The following INTS7 variants were observed in gnomAD, a reference collection of about 807,000 sequenced individuals.
The protein encoded by INTS7 is integrator complex subunit 7, also known as chromosome 1 open reading frame 73.
INTS7 carries 46 observed loss-of-function variants against 109.2 expected under a neutral mutation model. The observed-to-expected ratio is 0.42, with a 90% confidence interval of 0.33 to 0.54. INTS7 has a LOEUF of 0.54. INTS7 is among the 20% of genes least tolerant of loss of function. The pLI, the probability that INTS7 is intolerant of heterozygous loss-of-function variation, is 0.07. For missense variants in INTS7, 929 were observed against 1,132.4 expected (o/e 0.82, Z 2.58); for synonymous variants, 412 against 402.9 (o/e 1.02, Z -0.27).
At chr1:211,966,302 T>G (rs998818890) in intron 16 of INTS7, 128 bp downstream of exon 16, 2 of 523,104 alleles carry the variant, frequency 3.8e-6, no homozygotes, top group African/African-American at 1.9e-5. Flanking sequence ...CCACAAAAAA[T>G]GCTGAAGAAT....
chr1:212,033,417 A>G (rs1249733373), intron 1 of INTS7, among the ~76,000 whole-genome samples: 2 of 152,192 alleles, frequency 1.3e-5, no homozygotes, highest in African/African-American at 4.8e-5. Context: ...CCTGTAAAAC[A>G]CTCACGCCAG....
chr1:211,954,946 A>G (rs1663297186), intron 16 of INTS7, among the ~76,000 whole-genome samples: 1 of 152,198 alleles, frequency 6.6e-6, no homozygotes, highest in African/African-American at 2.4e-5. Flanking sequence ...AGTCATTGGT[A>G]GCTTGATGGG....
chr1:212,020,063 T>C (rs188246527), intron 3 of INTS7, 59 bp downstream of exon 3: 7 of 1,208,166 alleles, frequency 5.8e-6, no homozygotes. Flanking sequence ...CACTGCCTTT[T>C]TTGTACATAA....
intron 4 of INTS7, among the ~76,000 whole-genome samples, chr1:212,015,757 GATTCAAAAAATTTATT>G (rs1277448373): frequency 4.9e-5 from 6 of 121,862 alleles, no homozygotes; most frequent in Non-Finnish European, 8.5e-5. Context: ...AACTTTTCAG[GATTCAAAAAATTTATT>G]ATTCACCTGG....
chr1:211,991,446 AAAAT>A (rs1394869688), intron 7 of INTS7, among the ~76,000 whole-genome samples: 1 of 152,258 alleles, frequency 6.6e-6, no homozygotes, highest in Non-Finnish European at 1.5e-5. Context: ...AATATACAAA[AAAAT>A]AGATATTGGT....
chr1:212,021,218 G>GGA lies in INTS7; in HGVS notation c.95-7_95-6insTC. 7.1e-7 allele frequency: 1 copy of GGA among 1,416,778 alleles called. No individual in the cohort carries two copies. The highest frequency in any genetic ancestry group is 1.5e-5 in the African/African-American group (1 of 66,944). 87.8% of individuals were successfully genotyped at this position (1,416,778 alleles called of 1,614,324 possible). A position where few individuals can be genotyped will look rare whatever the true frequency, so the allele number is the denominator to read the frequency against. On this transcript the variant is annotated splice_region_variant and splice_polypyrimidine_tract_variant and intron_variant, in intron 1 of 19. Transcript: ENST00000366994. ...AAGTTTGCCAGATCTTAGGCCTATG[G>GGA]AAAAAAAAAAGCACAGAGAGGGAAG...
chr1:211,944,634 T>TA (rs1662771920), intron 19 of INTS7, 150 bp downstream of exon 19: 2 of 641,414 alleles, frequency 3.1e-6, no homozygotes, highest in Non-Finnish European at 5.4e-6. Context: ...ATCAACCCCT[T>TA]ACAGCCCCAA....
chr1:212,008,475 C>T (rs184452828), intron 5 of INTS7, among the ~76,000 whole-genome samples: 2 of 152,222 alleles, frequency 1.3e-5, no homozygotes, highest in Non-Finnish European at 1.5e-5. Flanking sequence ...TTCTGATATT[C>T]CCATAGGTTG....
intron 16 of INTS7, among the ~76,000 whole-genome samples, chr1:211,963,494 G>C (rs1663734933): frequency 6.6e-6 from 1 of 152,014 alleles, no homozygotes; most frequent in African/African-American, 2.4e-5. Flanking sequence ...TCATCTACGA[G>C]GCCAGCATCA....
intron 13 of INTS7, 100 bp from the exon 14 acceptor site, chr1:211,968,807 T>G (rs1346210660): frequency 2.5e-6 from 2 of 802,690 alleles, no homozygotes; most frequent in Non-Finnish European, 3.8e-6. Context: ...AGTGCAGTAG[T>G]TCTCTAAAAA....
chr1:212,013,744 C>T (rs1188399068), intron 4 of INTS7, among the ~76,000 whole-genome samples: 3 of 152,088 alleles, frequency 2.0e-5, no homozygotes, highest in Admixed American at 2.0e-4. Context: ...ATATACTTAC[C>T]ACTGTGTTCC....
In INTS7 at chr1:211,971,659, T is replaced by C. The variant is rs574252837; in HGVS notation, c.1816-2952A>G. Among the ~76,000 whole-genome samples, 3 of 152,310 alleles carry C rather than the reference T, an allele frequency of 2.0e-5. No homozygotes were observed. The South Asian group carries it at 6.2e-4, about 32-fold the overall frequency. Reference sequence around the variant, plus strand: ...GGGCCGGGCATTGGGCTCACGCCTATAATGCCAGCACTTTGGGAGGCCAAG... The same window carrying C: ...GGGCCGGGCATTGGGCTCACGCCTACAATGCCAGCACTTTGGGAGGCCAAG... On this transcript the variant is annotated intron_variant, in intron 13 of 19. Coordinates refer to ENST00000366994, the MANE Select transcript of INTS7 (RefSeq NM_015434.4).
At chr1:211,973,755 T>C (rs995957771) in intron 13 of INTS7, among the ~76,000 whole-genome samples, 3 of 152,252 alleles carry the variant, frequency 2.0e-5, no homozygotes, top group African/African-American at 7.2e-5. Context: ...CCCTGTAGAC[T>C]ACACTCAAGT....
chr1:211,993,816 T>C (rs1665250269), intron 7 of INTS7, among the ~76,000 whole-genome samples: 1 of 152,034 alleles, frequency 6.6e-6, no homozygotes, highest in Non-Finnish European at 1.5e-5. Flanking sequence ...CTAAAAAATG[T>C]TTTTCCTATG....
At chr1:212,024,592 T>C (rs1558059932) in intron 1 of INTS7, among the ~76,000 whole-genome samples, 1 of 152,212 alleles carries the variant, frequency 6.6e-6, no homozygotes. Context: ...TATTCATTAA[T>C]AGCCCCAAAC....
chr1:211,991,569 TA>T (rs1341632445), intron 7 of INTS7, among the ~76,000 whole-genome samples: 1 of 152,222 alleles, frequency 6.6e-6, no homozygotes, highest in Non-Finnish European at 1.5e-5. Flanking sequence ...TGTTGGCATT[TA>T]AAAAACTGAA....
intron 2 of INTS7, 89 bp downstream of exon 2, chr1:212,020,994 T>C (rs1290677404): frequency 1.0e-5 from 12 of 1,196,720 alleles, no homozygotes; most frequent in Non-Finnish European, 1.4e-5. Context: ...CAGGTGGAAG[T>C]ACTAAAAGGC....
chr1:211,966,467 C>A lies in INTS7; in HGVS notation c.2146G>T (p.Ala716Ser). The change falls in exon 16 of 20, where the codon GCA becomes TCA. Residue 716 changes from alanine (A) to serine (S), a missense_variant. Coordinates refer to ENST00000366994, the MANE Select transcript of INTS7 (RefSeq NM_015434.4). ...GGATCCAAAATCAGGGCTTCTATTG[C>A]ATGAGATATCAGTAAACAGCTCTGC... ...QQQSCLLISH[A>S]IEALILDPES... The A allele has an allele frequency of 6.2e-7, 1 of 1,609,426 alleles. No homozygotes were observed. The highest frequency in any genetic ancestry group is 8.5e-7 in the Non-Finnish European group (1 of 1,176,370).
At chr1:211,957,461 G>A (rs1279390792) in intron 16 of INTS7, among the ~76,000 whole-genome samples, 3 of 152,108 alleles carry the variant, frequency 2.0e-5, no homozygotes, top group African/African-American at 7.2e-5. Context: ...CAGGAGAATC[G>A]CTTGAACCTG....
Sources: allele counts gnomAD v4.1 joint callset (sites outside exome capture counted in the v4.1 genomes callset), GRCh38; gene constraint gnomAD v4.1.1; transcripts MANE v1.5; gene names NCBI Gene and HGNC (gene_info 2026-07-23, HGNC 2026-07-21).